CARMIL3: variants seen among roughly 807,000 people sequenced by gnomAD.
The protein encoded by CARMIL3 is capping protein, Arp2/3 and myosin-I linker protein 3.
Under a neutral mutation model 180.8 loss-of-function variants are expected in CARMIL3, and 88 were observed. The observed-to-expected ratio is 0.49, with a 90% CI of 0.41 to 0.58. The LOEUF (loss-of-function observed/expected upper bound fraction) is 0.58, where lower values mean the gene tolerates loss of function less well. Ranked by LOEUF, CARMIL3 falls within the 20% of genes least tolerant of loss-of-function variation. CARMIL3 has a pLI of 0.00. For synonymous variants in CARMIL3, 696 were observed against 714.5 expected, an observed-to-expected ratio of 0.97 and a Z score of 0.41; for missense variants, 1,548 against 1,787.0, an observed-to-expected ratio of 0.87 and a Z score of 2.41.
rs796572822 is a variant in CARMIL3 at position 24,062,299 on chromosome 14, T to C, written c.2481-181T>C. 1.1e-5 allele frequency: 7 copies of C among 655,452 alleles called. No individual in the cohort carries two copies. The African/African-American group carries it at 1.3e-4, about 12-fold the overall frequency. 40.6% of individuals were successfully genotyped at this position (655,452 alleles called of 1,614,324 possible). On this transcript the variant is annotated intron_variant, in intron 27 of 39. Coordinates refer to ENST00000342740, the MANE Select transcript of CARMIL3 (RefSeq NM_138360.4). The stretch of plus-strand genomic sequence containing the variant: ...GGGCTCTGGGGTGGGACTAGACGTG[T>C]ATTTGTGGAGAAATGAGTGTCAAGG...
chr14:24,068,407 A>G (rs545858096), intron 36 of CARMIL3, among the ~76,000 whole-genome samples, 177 bp from the exon 37 acceptor site: 2 of 151,942 alleles, frequency 1.3e-5, no homozygotes, highest in Admixed American at 6.5e-5. Flanking sequence ...CAAAAAAAAA[A>G]AAAGAAAGAA....
In CARMIL3 at chr14:24,057,210, T is replaced by C; in HGVS notation, c.1106T>C (p.Leu369Pro). The change falls in exon 14 of 40, where the codon CTG becomes CCG. Residue 369 changes from leucine to proline, a missense_variant. This residue lies in a region of CARMIL3 where 578 missense variants were observed against 666.5 expected (regional missense o/e 0.87). Coordinates refer to ENST00000342740, the MANE Select transcript of CARMIL3 (RefSeq NM_138360.4). ...GCCCAACCCAACGCCCTGGTGCACC[T>C]GGACCTGTCAGGAACTGACTGCGTC... ...FLAQPNALVH[L>P]DLSGTDCVID... 2 of 1,613,974 alleles carry C rather than the reference T, an allele frequency of 1.2e-6. No homozygotes were observed. Among genetic ancestry groups the C allele is most frequent in the Non-Finnish European group, 8.5e-7 (1 of 1,179,892 alleles).
At position 24,056,972 on chromosome 14, in the gene CARMIL3, G is replaced by A. The variant is rs559214305; in HGVS notation, c.1010G>A (p.Arg337Gln). The A allele has an allele frequency of 4.7e-5, 76 of 1,614,032 alleles. No individual in the cohort carries two copies. The highest frequency in any genetic ancestry group is 8.9e-5 in the East Asian group (4 of 44,886). The change falls in exon 13 of 40, where the codon CGA becomes CAA. Residue 337 changes from arginine to glutamine, a missense_variant. Physicochemically the swap from Arg to Gln is conservative, Grantham distance 43 (BLOSUM62 1). Coordinates refer to ENST00000342740, the MANE Select transcript of CARMIL3 (RefSeq NM_138360.4). ...AACCCAGCATTTGCCAGCTCCCTTCGATACCTGGACCTGAGCAAGAATCCT... is the reference window on the plus strand; with the variant it reads ...AACCCAGCATTTGCCAGCTCCCTTCAATACCTGGACCTGAGCAAGAATCCT... ...GANPAFASSL[R>Q]YLDLSKNPGL...
Position 24,060,037 on chromosome 14 carries a change from G to A in CARMIL3, c.1936G>A (p.Glu646Lys). The change falls in exon 23 of 40, where the codon GAG becomes AAG. Residue 646 changes from glutamate (E) to lysine (K), a missense_variant. By Grantham distance (56) the Glu-to-Lys change is moderately conservative. Transcript: ENST00000342740. ...DISQAYRSAPERTEDVWQKIQ... is the reference protein window; with the variant it reads ...DISQAYRSAPKRTEDVWQKIQ... ...CTCCCAAGCCTATCGCAGCGCGCCT[G>A]AGCGCACCGAGGACGTCTGGCAGAA... The A allele has an allele frequency of 6.2e-7, 1 of 1,613,954 alleles. No homozygotes were observed. The highest frequency in any genetic ancestry group is 2.2e-5 in the East Asian group (1 of 44,882).
Position 24,059,994 on chromosome 14 carries a change from C to A in CARMIL3, c.1893C>A (p.Ser631=). The change falls in exon 23 of 40, where the codon TCC becomes TCA. Residue 631 remains serine, a synonymous_variant. Transcript: ENST00000342740. The surrounding 1 kb of genome is among the most constrained non-coding windows in gnomAD (Gnocchi z 6.3). The stretch of plus-strand genomic sequence containing the variant: ...GCAACCACACGCTGCGCTTCATGTC[C>A]TTCCCCGTGAGCGACATCTCCCAAG... The part of the protein sequence containing the change: ...LESNHTLRFM[S]FPVSDISQAY... 1 of 1,614,022 alleles carries A rather than the reference C, an allele frequency of 6.2e-7. No individual in the cohort carries two copies. Among genetic ancestry groups the A allele is most frequent in the East Asian group, 2.2e-5 (1 of 44,878 alleles).
At position 24,058,870 on chromosome 14, in the gene CARMIL3, C is replaced by A. The variant is rs947451844; in HGVS notation, c.1475-20C>A. Reference sequence around the variant, plus strand: ...TCAGCCTCAGGCCTCCAGGCCAGGCCTCTCCCATCTGCTCACCAGGGTTCG... The same window carrying A: ...TCAGCCTCAGGCCTCCAGGCCAGGCATCTCCCATCTGCTCACCAGGGTTCG... On this transcript the variant is annotated intron_variant, in intron 18 of 39. Coordinates refer to ENST00000342740, the MANE Select transcript of CARMIL3 (RefSeq NM_138360.4). This position sits in a 1 kb window ranked among gnomAD's most constrained non-coding sequence, Gnocchi z 6.4. The A allele has an allele frequency of 6.2e-7, 1 of 1,614,068 alleles. No individual in the cohort carries two copies. Among genetic ancestry groups the A allele is most frequent in the Non-Finnish European group, 8.5e-7 (1 of 1,179,946 alleles).
At position 24,059,428 on chromosome 14, in the gene CARMIL3, A is replaced by T; in HGVS notation, c.1785A>T (p.Ile595=). 1 of 1,578,868 alleles carries T rather than the reference A, an allele frequency of 6.3e-7. No individual in the cohort carries two copies. Among genetic ancestry groups the T allele is most frequent in the Non-Finnish European group, 8.6e-7 (1 of 1,162,562 alleles). ...GAKMLSKALQ[I]NSSLRTILWD... is the part of the protein sequence containing the mutation. ...AGATGCTGTCTAAGGCCCTGCAGAT[A>T]AACTCCTCCCTCAGGTGGGGCCCAC... is the stretch of plus-strand genomic sequence containing the variant. The change falls in exon 21 of 40, where the codon ATA becomes ATT. Residue 595 remains isoleucine, a synonymous_variant. Coordinates refer to ENST00000342740, the MANE Select transcript of CARMIL3 (RefSeq NM_138360.4). The surrounding 1 kb of genome is among the most constrained non-coding windows in gnomAD (Gnocchi z 6.3).
At chr14:24,068,740 T>A in intron 37 of CARMIL3, 38 bp downstream of exon 37, 1 of 1,613,680 alleles carries the variant, frequency 6.2e-7, no homozygotes, top group Non-Finnish European at 8.5e-7. Flanking sequence ...GGCACTTTGA[T>A]GAGGCAAAGG....
Position 24,059,608 on chromosome 14 carries a change from C to G in CARMIL3, c.1800-56C>G, listed in dbSNP as rs2035711219. 6.3e-7 allele frequency: 1 copy of G among 1,586,668 alleles called. No homozygotes were observed. The highest frequency in any genetic ancestry group is 1.3e-5 in the African/African-American group (1 of 74,362). On this transcript the variant is annotated intron_variant, in intron 21 of 39. Transcript: ENST00000342740. This position sits in a 1 kb window ranked among gnomAD's most constrained non-coding sequence, Gnocchi z 6.3. ...TGCCCCAAGAGGTTTGTGTCCCTGG[C>G]CCCTAGTAGGGACCCAGGAGGAGAG...
In CARMIL3 at chr14:24,052,038, G is replaced by A. The variant is rs982730651; in HGVS notation, c.-116G>A. On this transcript the variant is annotated 5_prime_UTR_variant, in exon 1 of 40. Transcript: ENST00000342740. ...AGCCGCCCCTGACCGGAGCGGGCTC[G>A]GCCGCTGCTGCAGCGCTCAGCGCCC... 7 of 1,052,964 alleles carry A rather than the reference G, an allele frequency of 6.6e-6. No homozygotes were observed. Among genetic ancestry groups the A allele is most frequent in the East Asian group, 6.6e-5 (2 of 30,494 alleles). The allele number at this position is 1,052,964 out of a possible 1,614,324, so 65.2% of individuals were successfully genotyped here. A position where few individuals can be genotyped will look rare whatever the true frequency, so the allele number is the denominator to read the frequency against.
intron 1 of CARMIL3, among the ~76,000 whole-genome samples, chr14:24,053,290 C>T (rs2035637487): frequency 6.6e-6 from 1 of 152,156 alleles, no homozygotes; most frequent in African/African-American, 2.4e-5. Flanking sequence ...GGCAGACACT[C>T]ACACCCGGAC....
At position 24,061,190 on chromosome 14, in the gene CARMIL3, A is replaced by G; in HGVS notation, c.2304+150A>G. On this transcript the variant is annotated intron_variant, in intron 26 of 39. Coordinates refer to ENST00000342740, the MANE Select transcript of CARMIL3 (RefSeq NM_138360.4). The surrounding 1 kb of genome is among the most constrained non-coding windows in gnomAD (Gnocchi z 4.1). The stretch of plus-strand genomic sequence containing the variant: ...ACCCACGCTCCCACTGTACCAAGGC[A>G]TTGCTGCAATATCAGGCTTGGATTT... 1.5e-6 allele frequency: 1 copy of G among 684,528 alleles called. No homozygotes were observed. The highest frequency in any genetic ancestry group is 1.9e-5 in the South Asian group (1 of 51,494). 42.4% of individuals were successfully genotyped at this position (684,528 alleles called of 1,614,324 possible). A position where few individuals can be genotyped will look rare whatever the true frequency, so the allele number is the denominator to read the frequency against.
chr14:24,063,246 C>G (rs1249439319), intron 30 of CARMIL3, 63 bp downstream of exon 30: 1 of 1,594,994 alleles, frequency 6.3e-7, no homozygotes, highest in Non-Finnish European at 8.6e-7. Flanking sequence ...CCCCTCTTTC[C>G]CTTGATTTTT....
In CARMIL3 at chr14:24,060,640, C is replaced by G. The variant is rs903691124; in HGVS notation, c.2074C>G (p.Leu692Val). 2.5e-6 allele frequency: 4 copies of G among 1,613,770 alleles called. No individual in the cohort carries two copies. The African/African-American group carries it at 5.3e-5, about 22-fold the overall frequency. ...TSSAEQMLQRLCGRVQEEVRA... is the reference protein window; with the variant it reads ...TSSAEQMLQRVCGRVQEEVRA... Reference sequence around the variant, plus strand: ...CACTGTGCTCCAGATGCTGCAGCGGCTGTGTGGACGAGTGCAGGAGGAGGT... The same window carrying G: ...CACTGTGCTCCAGATGCTGCAGCGGGTGTGTGGACGAGTGCAGGAGGAGGT... Residue 692 changes from leucine to valine, a missense_variant, in exon 25 of 40, where the codon CTG (leucine) becomes GTG (valine). By Grantham distance (32) the Leu-to-Val change is conservative. Transcript: ENST00000342740.
In CARMIL3 at chr14:24,059,107, T is replaced by A. The variant is rs755757996; in HGVS notation, c.1572-28T>A. On this transcript the variant is annotated intron_variant, in intron 19 of 39. Transcript: ENST00000342740. The surrounding 1 kb of genome is among the most constrained non-coding windows in gnomAD (Gnocchi z 6.3). Reference sequence around the variant, plus strand: ...AATAGCATGACCCCAGCCCTTCCCCTCCTACTCTGAGCCCCGCCTCCCTGC... The same window carrying A: ...AATAGCATGACCCCAGCCCTTCCCCACCTACTCTGAGCCCCGCCTCCCTGC... 77 of 1,587,942 alleles carry A rather than the reference T, an allele frequency of 4.8e-5. No homozygotes were observed. The highest frequency in any genetic ancestry group is 8.6e-7 in the Non-Finnish European group (1 of 1,167,628).
At position 24,061,083 on chromosome 14, in the gene CARMIL3, G is replaced by A; in HGVS notation, c.2304+43G>A. On this transcript the variant is annotated intron_variant, in intron 26 of 39. Transcript: ENST00000342740. This position sits in a 1 kb window ranked among gnomAD's most constrained non-coding sequence, Gnocchi z 4.1. ...GAGGAATCCATGGTGGGAACCTAGT[G>A]TTGACTGAGGCCCTAAGCCCAGAGC... is the stretch of plus-strand genomic sequence containing the variant. 1.3e-6 allele frequency: 2 copies of A among 1,504,440 alleles called. No individual in the cohort carries two copies. The highest frequency in any genetic ancestry group is 1.8e-6 in the Non-Finnish European group (2 of 1,105,234). The allele number at this position is 1,504,440 out of a possible 1,614,324, so 93.2% of individuals were successfully genotyped here.
intron 33 of CARMIL3, 81 bp from the exon 34 acceptor site, chr14:24,065,541 G>C: frequency 6.6e-7 from 1 of 1,522,820 alleles, no homozygotes; most frequent in Non-Finnish European, 8.8e-7. Flanking sequence ...AGTGAGGCAG[G>C]GGTCCTCCTG....
Position 24,058,296 on chromosome 14 carries a change from T to C in CARMIL3, c.1392+72T>C, listed in dbSNP as rs558516157. 11 of 1,504,174 alleles carry C rather than the reference T, an allele frequency of 7.3e-6. No individual in the cohort carries two copies. The African/African-American group carries it at 8.3e-5, about 11-fold the overall frequency. 93.2% of individuals were successfully genotyped at this position (1,504,174 alleles called of 1,614,324 possible). A position where few individuals can be genotyped will look rare whatever the true frequency, so the allele number is the denominator to read the frequency against. ...CATTTCTCAGACCTAAGTCAAACCC[T>C]GGCTCCATCTAGCCTCTGTGCTGAC... On this transcript the variant is annotated intron_variant, in intron 17 of 39. Transcript: ENST00000342740. The surrounding 1 kb of genome is among the most constrained non-coding windows in gnomAD (Gnocchi z 6.4).
chr14:24,068,566 CCTCT>C lies in CARMIL3; in HGVS notation c.3683-12_3683-9del, dbSNP rs749046352. The C allele has an allele frequency of 1.9e-6, 3 of 1,587,994 alleles. No homozygotes were observed. Among genetic ancestry groups the C allele is most frequent in the Non-Finnish European group, 1.7e-6 (2 of 1,162,958 alleles). On this transcript the variant is annotated splice_polypyrimidine_tract_variant and intron_variant, in intron 36 of 39. Coordinates refer to ENST00000342740, the MANE Select transcript of CARMIL3 (RefSeq NM_138360.4). Reference sequence around the variant, plus strand: ...AAGAATGCCTTTTCCTGCAGCTTCTCCTCTCTCTCATCCCCAGCTGAAGAGAGTG... The same window carrying C: ...AAGAATGCCTTTTCCTGCAGCTTCTCCTCTCATCCCCAGCTGAAGAGAGTG...
Sources: allele counts gnomAD v4.1 joint callset (sites outside exome capture counted in the v4.1 genomes callset), GRCh38; gene constraint gnomAD v4.1.1; regional missense constraint gnomAD v4.1.1; non-coding constraint Gnocchi (gnomAD v3.1); transcripts MANE v1.5; gene names NCBI Gene and HGNC (gene_info 2026-07-23, HGNC 2026-07-21).